SHISA9: variants seen among roughly 807,000 people sequenced by gnomAD.
SHISA9 encodes the protein protein shisa-9.
In SHISA9, 13 loss-of-function variants were observed where a neutral mutation model predicts 38.0. The ratio of observed to expected loss-of-function variants is 0.34; its 90% CI spans 0.22 to 0.54. SHISA9 has a LOEUF of 0.54. Among genes scored for constraint, SHISA9 ranks in the 20% least tolerant of loss-of-function variants. The pLI is 0.91. For missense variants in SHISA9, 538 were observed against 575.8 expected (o/e 0.93, Z 0.67); for synonymous variants, 275 against 242.0 (o/e 1.14, Z -1.27).
chr16:12,993,771 C>T (rs1174743700), intron 2 of SHISA9, among the ~76,000 whole-genome samples: 1 of 152,112 alleles, frequency 6.6e-6, no homozygotes, highest in East Asian at 1.9e-4. Flanking sequence ...CAGACAATCA[C>T]AAAAGGCCAT....
chr16:12,993,698 A>G (rs2072419844), intron 2 of SHISA9, among the ~76,000 whole-genome samples: 1 of 152,156 alleles, frequency 6.6e-6, no homozygotes, highest in Non-Finnish European at 1.5e-5. Context: ...GTAAGTACCC[A>G]CTTATAATTT....
chr16:13,048,427 A>AC (rs1453376279), intron 2 of SHISA9, among the ~76,000 whole-genome samples: 6 of 152,032 alleles, frequency 3.9e-5, no homozygotes, highest in Non-Finnish European at 7.4e-5. Flanking sequence ...TGGACTTATA[A>AC]CATTTTTTTT....
chr16:12,910,695 T>A, intron 1 of SHISA9: 1 of 985,470 alleles, frequency 1.0e-6, no homozygotes, highest in South Asian at 4.7e-5. Flanking sequence ...TGGAAGGCTA[T>A]CAAGAAAAAG....
At chr16:13,008,665 T>C (rs4781380) in intron 2 of SHISA9, among the ~76,000 whole-genome samples, 4,737 of 25,638 alleles carry the variant, frequency 0.18, 415 homozygotes, top group East Asian at 0.24. Context: ...CTCCCTCCCT[T>C]CCTCCCTCCC....
chr16:13,497,654 C>T, the SHISA9 span, among the ~76,000 whole-genome samples: 3 of 137,134 alleles, frequency 2.2e-5, no homozygotes, highest in Admixed American at 2.4e-4. Context: ...CACTGCACTC[C>T]AGCCTGGGTA....
At chr16:13,373,796 G>C in the SHISA9 span, among the ~76,000 whole-genome samples, 1 of 151,444 alleles carries the variant, frequency 6.6e-6, no homozygotes, top group Non-Finnish European at 1.5e-5. Context: ...AGTGACGATA[G>C]TGCCACCCCA....
chr16:12,991,585 G>T (rs2072386745), intron 2 of SHISA9, among the ~76,000 whole-genome samples: 2 of 152,112 alleles, frequency 1.3e-5, no homozygotes, highest in Admixed American at 6.6e-5. Flanking sequence ...CTAGTCTCAG[G>T]CTCAGAAAAC....
the SHISA9 span, among the ~76,000 whole-genome samples, chr16:13,459,425 G>A: frequency 0.027 from 4,174 of 152,264 alleles, 82 homozygotes; most frequent in Non-Finnish European, 0.045. Flanking sequence ...TACAAAGGGA[G>A]TGGTATCAGT....
At chr16:13,377,734 G>A in the SHISA9 span, among the ~76,000 whole-genome samples, 2 of 152,132 alleles carry the variant, frequency 1.3e-5, no homozygotes, top group Non-Finnish European at 2.9e-5. Context: ...AAAACCAATA[G>A]CATTTATGCA....
chr16:12,948,201 C>T (rs906471901), intron 2 of SHISA9, among the ~76,000 whole-genome samples: 1 of 152,174 alleles, frequency 6.6e-6, no homozygotes, highest in East Asian at 1.9e-4. Flanking sequence ...GATGTCTACT[C>T]ATTTGCTCAG....
intron 2 of SHISA9, among the ~76,000 whole-genome samples, chr16:12,976,530 G>C (rs2866122): frequency 0.17 from 26,481 of 152,090 alleles, 2,575 homozygotes; most frequent in African/African-American, 0.24. Context: ...CCGCTCCTGT[G>C]TCAACAGAAT....
intron 2 of SHISA9, among the ~76,000 whole-genome samples, chr16:12,960,492 A>G (rs1277994787): frequency 6.6e-6 from 1 of 152,202 alleles, no homozygotes; most frequent in Non-Finnish European, 1.5e-5. Flanking sequence ...CAATATTCAC[A>G]ATAGCAAAGA....
intron 2 of SHISA9, among the ~76,000 whole-genome samples, chr16:12,928,590 T>G (rs1403911142): frequency 6.6e-6 from 1 of 152,236 alleles, no homozygotes; most frequent in Non-Finnish European, 1.5e-5. Flanking sequence ...TTCATTGTTA[T>G]TGGTGTAGAA....
the SHISA9 span, among the ~76,000 whole-genome samples, chr16:13,292,830 C>A: frequency 2.0e-5 from 3 of 152,100 alleles, no homozygotes. Flanking sequence ...ACCAACAGTT[C>A]TAAGACATCC....
chr16:13,239,859 T>G lies in SHISA9; in HGVS notation c.*4450T>G, dbSNP rs1368501764. 1.3e-5 allele frequency: 2 copies of G among 152,202 alleles called. No individual in the cohort carries two copies. Among genetic ancestry groups the G allele is most frequent in the Non-Finnish European group, 2.9e-5 (2 of 68,046 alleles). The allele number at this position is 152,202 out of a possible 1,614,324, so 9.4% of individuals were successfully genotyped here. A position where few individuals can be genotyped will look rare whatever the true frequency, so the allele number is the denominator to read the frequency against. ...TTTAATTAGATCCCATTTGTCAATTTTGGCTTCCTCTTGGGAGGGTAGACA... is the reference window on the plus strand; with the variant it reads ...TTTAATTAGATCCCATTTGTCAATTGTGGCTTCCTCTTGGGAGGGTAGACA... On this transcript the variant is annotated 3_prime_UTR_variant, in exon 5 of 5. Transcript: ENST00000558583.
chr16:12,974,233 T>C (rs2072124466), intron 2 of SHISA9, among the ~76,000 whole-genome samples: 1 of 152,116 alleles, frequency 6.6e-6, no homozygotes, highest in Non-Finnish European at 1.5e-5. Context: ...CTGGACAAGC[T>C]TGGGCCACTC....
the SHISA9 span, among the ~76,000 whole-genome samples, chr16:13,290,322 G>T: frequency 6.6e-6 from 1 of 152,092 alleles, no homozygotes; most frequent in South Asian, 2.1e-4. Context: ...TGCAAACAGA[G>T]TCACACTTTC....
intron 3 of SHISA9, among the ~76,000 whole-genome samples, chr16:13,209,251 G>A (rs188761951): frequency 2.0e-5 from 3 of 152,236 alleles, no homozygotes; most frequent in Non-Finnish European, 4.4e-5. Context: ...TCGGAGATAC[G>A]CTGGTACCTG....
chr16:13,137,646 G>A (rs915752855), intron 2 of SHISA9, among the ~76,000 whole-genome samples: 4 of 151,988 alleles, frequency 2.6e-5, no homozygotes. Context: ...AGTAGAGATG[G>A]GGTTTCACCA....
Sources: gnomAD v4.1 joint callset for allele counts (sites outside exome capture counted in the v4.1 genomes callset) on GRCh38, gnomAD v4.1.1 for gene constraint, MANE v1.5 for transcripts, NCBI Gene and HGNC (gene_info 2026-07-23, HGNC 2026-07-21) for gene names.